Variants in NLGN1 observed in about 807,000 individuals in gnomAD.
The protein encoded by NLGN1 is neuroligin-1.
In NLGN1, 12 loss-of-function variants were observed where a neutral mutation model predicts 65.5. The observed-to-expected ratio is 0.18, with a 90% CI of 0.12 to 0.30. The LOEUF (loss-of-function observed/expected upper bound fraction) is 0.30. Ranked by LOEUF, NLGN1 falls within the 10% of genes least tolerant of loss-of-function variation. The probability of loss-of-function intolerance (pLI) is 1.00; values close to 1 mark genes in which losing one functional copy is unlikely to be tolerated. For missense variants in NLGN1, 750 were observed against 1,007.1 expected, an observed-to-expected ratio of 0.74 and a Z score of 3.46; for synonymous variants, 350 against 359.5, an observed-to-expected ratio of 0.97 and a Z score of 0.30.
intron 3 of NLGN1, among the ~76,000 whole-genome samples, chr3:173,694,084 CAA>C (rs1765849434): frequency 6.6e-6 from 1 of 151,978 alleles, no homozygotes; most frequent in Non-Finnish European, 1.5e-5. Flanking sequence ...AAAGTATCAA[CAA>C]AGAGAGAGCA....
At chr3:173,921,661 C>A (rs894436596) in intron 4 of NLGN1, among the ~76,000 whole-genome samples, 2 of 152,058 alleles carry the variant, frequency 1.3e-5, no homozygotes, top group Admixed American at 1.3e-4. Flanking sequence ...TTTGACTTCT[C>A]CCAAGTCGTA....
chr3:173,894,277 G>A (rs912641289), intron 4 of NLGN1, among the ~76,000 whole-genome samples: 1 of 152,044 alleles, frequency 6.6e-6, no homozygotes, highest in African/African-American at 2.4e-5. Context: ...CAAAAACCTA[G>A]GTCGAACCAA....
At chr3:174,235,579 A>G (rs2152823226) in intron 4 of NLGN1, among the ~76,000 whole-genome samples, 1 of 152,282 alleles carries the variant, frequency 6.6e-6, no homozygotes, top group African/African-American at 2.4e-5. Context: ...TAAGACATAG[A>G]AAAAGTAAAA....
At chr3:174,131,639 A>G (rs1561117995) in intron 4 of NLGN1, among the ~76,000 whole-genome samples, 1 of 152,236 alleles carries the variant, frequency 6.6e-6, no homozygotes, top group Non-Finnish European at 1.5e-5. Context: ...GTGATTATAT[A>G]TGTCTGTTTA....
At chr3:174,177,510 A>G (rs777795422) in intron 4 of NLGN1, among the ~76,000 whole-genome samples, 10 of 152,056 alleles carry the variant, frequency 6.6e-5, no homozygotes, top group Non-Finnish European at 1.2e-4. Flanking sequence ...TATATATTAC[A>G]TATAATAAAA....
chr3:173,729,127 C>A (rs1255410071), intron 3 of NLGN1, among the ~76,000 whole-genome samples: 3 of 151,994 alleles, frequency 2.0e-5, no homozygotes, highest in Non-Finnish European at 4.4e-5. Context: ...CCAGGTCATA[C>A]TGGTAGTAAT....
chr3:173,790,088 G>C (rs1360580090), intron 3 of NLGN1, among the ~76,000 whole-genome samples: 1 of 151,738 alleles, frequency 6.6e-6, no homozygotes. Context: ...TCTTCATCAT[G>C]GTACCTTATG....
chr3:174,124,036 G>T (rs1033341596), intron 4 of NLGN1, among the ~76,000 whole-genome samples: 1 of 152,034 alleles, frequency 6.6e-6, no homozygotes, highest in Non-Finnish European at 1.5e-5. Flanking sequence ...TAAGGGCGGG[G>T]CCTTACTCTA....
At chr3:174,251,262 T>C (rs887279193) in intron 4 of NLGN1, among the ~76,000 whole-genome samples, 2 of 152,228 alleles carry the variant, frequency 1.3e-5, no homozygotes, top group South Asian at 2.1e-4. Context: ...GAAAATTCTT[T>C]GTAAGAAATG....
At chr3:174,175,499 C>T (rs963719236) in intron 4 of NLGN1, among the ~76,000 whole-genome samples, 31 of 151,856 alleles carry the variant, frequency 2.0e-4, no homozygotes, top group African/African-American at 6.0e-4. Context: ...TTTTTCCCTC[C>T]GTTTATTTTC....
At chr3:173,927,811 CAGAAA>C (rs1743295518) in intron 4 of NLGN1, among the ~76,000 whole-genome samples, 1 of 152,094 alleles carries the variant, frequency 6.6e-6, no homozygotes, top group Admixed American at 6.6e-5. Context: ...TGGTGTGTCA[CAGAAA>C]CAGGCTTTCT....
chr3:173,523,733 T>C (rs73043569), intron 2 of NLGN1, among the ~76,000 whole-genome samples: 7,882 of 151,594 alleles, frequency 0.052, 694 homozygotes, highest in African/African-American at 0.18. Context: ...GCTTTAGCTA[T>C]TTAGGCTCTT....
intron 4 of NLGN1, among the ~76,000 whole-genome samples, chr3:174,230,394 A>G (rs1445966395): frequency 6.6e-6 from 1 of 152,240 alleles, no homozygotes; most frequent in Non-Finnish European, 1.5e-5. Context: ...AAAATGTATA[A>G]TACCCAGTGC....
intron 3 of NLGN1, among the ~76,000 whole-genome samples, chr3:173,707,040 C>T (rs1768150924): frequency 6.6e-6 from 1 of 152,224 alleles, no homozygotes; most frequent in Non-Finnish European, 1.5e-5. Context: ...GTGCCTTATA[C>T]ACTCCTATAA....
intron 3 of NLGN1, among the ~76,000 whole-genome samples, chr3:173,697,557 C>T (rs1344110285): frequency 2.6e-5 from 4 of 151,708 alleles, no homozygotes; most frequent in African/African-American, 4.8e-5. Flanking sequence ...GACTGAGTTT[C>T]GCTCTTGTTG....
intron 4 of NLGN1, among the ~76,000 whole-genome samples, chr3:173,973,362 G>T (rs571449492): frequency 6.6e-6 from 1 of 152,152 alleles, no homozygotes; most frequent in African/African-American, 2.4e-5. Flanking sequence ...GAGTCCTGTT[G>T]TCTTTTCTTT....
At chr3:173,909,123 C>T (rs1407764883) in intron 4 of NLGN1, among the ~76,000 whole-genome samples, 1 of 151,946 alleles carries the variant, frequency 6.6e-6, no homozygotes, top group Non-Finnish European at 1.5e-5. Flanking sequence ...AAGGAAATAA[C>T]TAGTATGAAT....
At chr3:173,814,047 T>C (rs956308314) in intron 4 of NLGN1, among the ~76,000 whole-genome samples, 1 of 152,246 alleles carries the variant, frequency 6.6e-6, no homozygotes, top group Non-Finnish European at 1.5e-5. Context: ...GCTAGGCCTG[T>C]GTCCTCCCAC....
intron 3 of NLGN1, among the ~76,000 whole-genome samples, chr3:173,794,498 C>T (rs1181173817): frequency 6.6e-6 from 1 of 152,078 alleles, no homozygotes; most frequent in East Asian, 1.9e-4. Context: ...CTTGTGTTCT[C>T]ACCAGACTCC....
Sources: allele counts gnomAD v4.1 joint callset (sites outside exome capture counted in the v4.1 genomes callset), GRCh38; gene constraint gnomAD v4.1.1; transcripts MANE v1.5; gene names NCBI Gene and HGNC (gene_info 2026-07-23, HGNC 2026-07-21).